The following PPP3CC variants were observed in gnomAD, a reference collection of about 807,000 sequenced individuals.
PPP3CC encodes the protein protein phosphatase 3 catalytic subunit gamma, also known as serine/threonine-protein phosphatase 2B catalytic subunit gamma isoform.
PPP3CC carries 35 observed loss-of-function variants against 60.3 expected under a neutral mutation model. The ratio of observed to expected loss-of-function variants is 0.58; its 90% confidence interval spans 0.44 to 0.77. PPP3CC has a LOEUF of 0.77. Ranked by LOEUF, PPP3CC falls within the 30% of genes least tolerant of loss-of-function variation. The pLI, the probability that PPP3CC is intolerant of heterozygous loss-of-function variation, is 0.00. For synonymous variants in PPP3CC, 206 were observed against 224.3 expected, an observed-to-expected ratio of 0.92 and a Z score of 0.73; for missense variants, 570 against 628.9, an observed-to-expected ratio of 0.91 and a Z score of 1.00.
At chr8:22,466,143 C>T (rs1212541627) in intron 1 of PPP3CC, among the ~76,000 whole-genome samples, 1 of 147,888 alleles carries the variant, frequency 6.8e-6, no homozygotes, top group African/African-American at 2.5e-5. Flanking sequence ...CAGCTTCATC[C>T]ATGTCCCTGC....
At chr8:22,507,737 T>C (rs1586845516) in intron 4 of PPP3CC, among the ~76,000 whole-genome samples, 1 of 152,184 alleles carries the variant, frequency 6.6e-6, no homozygotes, top group South Asian at 2.1e-4. Context: ...CTGAATCTAC[T>C]GTTTAGGGTG....
At chr8:22,454,721 C>T (rs1837141034) in intron 1 of PPP3CC, among the ~76,000 whole-genome samples, 1 of 152,070 alleles carries the variant, frequency 6.6e-6, no homozygotes, top group Admixed American at 6.6e-5. Context: ...GTCTTGTAGA[C>T]TGAAATATTG....
In PPP3CC at chr8:22,532,934, A is replaced by G; in HGVS notation, c.1237A>G (p.Ser413Gly). The G allele has an allele frequency of 6.3e-7, 1 of 1,594,582 alleles. No individual in the cohort carries two copies. The highest frequency in any genetic ancestry group is 1.7e-5 in the Admixed American group (1 of 57,478). The change falls in exon 12 of 14, where the codon AGT (serine) becomes GGT (glycine). Residue 413 changes from serine (S) to glycine (G), a missense_variant. Coordinates refer to ENST00000240139, the MANE Select transcript of PPP3CC (RefSeq NM_005605.5). ...CTCCCTTTGCAGGCAAGAAAGTGAG[A>G]GTGTGCTGACTCTCAAGGGCCTGAC... ...VFSILRQESE[S>G]VLTLKGLTPT...
intron 1 of PPP3CC, among the ~76,000 whole-genome samples, chr8:22,461,878 GAGGA>G (rs546516357): frequency 1.1e-4 from 16 of 152,188 alleles, no homozygotes; most frequent in Non-Finnish European, 2.4e-4. Context: ...ATAAGTCCCT[GAGGA>G]TTTACTGTTA....
intron 9 of PPP3CC, 28 bp downstream of exon 9, chr8:22,527,545 C>A: frequency 6.2e-7 from 1 of 1,610,114 alleles, no homozygotes; most frequent in South Asian, 1.1e-5. Context: ...CATGTCTCAT[C>A]AGTTGTTTGG....
At chr8:22,519,932 AG>A (rs35934709) in intron 6 of PPP3CC, among the ~76,000 whole-genome samples, 65,438 of 151,908 alleles carry the variant, frequency 0.43, 14,302 homozygotes, top group East Asian at 0.55. Flanking sequence ...CTGGGATTAC[AG>A]GCACGAGCCA....
At chr8:22,476,284 T>A (rs1193317067) in intron 3 of PPP3CC, among the ~76,000 whole-genome samples, 1 of 152,266 alleles carries the variant, frequency 6.6e-6, no homozygotes, top group Non-Finnish European at 1.5e-5. Context: ...TTAATGTTCA[T>A]TGATTCAACT....
chr8:22,454,198 A>G (rs1340254007), intron 1 of PPP3CC, among the ~76,000 whole-genome samples: 1 of 152,162 alleles, frequency 6.6e-6, no homozygotes, highest in Non-Finnish European at 1.5e-5. Context: ...ATAAGCTTTT[A>G]CGATTTCAAA....
At chr8:22,450,848 TTTA>T (rs869269139) in intron 1 of PPP3CC, among the ~76,000 whole-genome samples, 4 of 139,858 alleles carry the variant, frequency 2.9e-5, no homozygotes, top group African/African-American at 5.4e-5. Context: ...TATTTATTTA[TTTA>T]TTGAGACGGA....
At chr8:22,481,704 T>TA (rs1838075096) in intron 3 of PPP3CC, among the ~76,000 whole-genome samples, 1 of 151,908 alleles carries the variant, frequency 6.6e-6, no homozygotes, top group Non-Finnish European at 1.5e-5. Context: ...GCCCCCCACC[T>TA]ACCAATAGGC....
chr8:22,461,889 G>A (rs1471096086), intron 1 of PPP3CC, among the ~76,000 whole-genome samples: 1 of 152,142 alleles, frequency 6.6e-6, no homozygotes, highest in Non-Finnish European at 1.5e-5. Context: ...AGGATTTACT[G>A]TTAGATCAGT....
At chr8:22,457,962 A>G (rs944966449) in intron 1 of PPP3CC, among the ~76,000 whole-genome samples, 1 of 152,136 alleles carries the variant, frequency 6.6e-6, no homozygotes, top group Non-Finnish European at 1.5e-5. Context: ...GTGGTGGCAC[A>G]TGCCTGTAAT....
chr8:22,483,287 T>G (rs1412950801), intron 3 of PPP3CC, among the ~76,000 whole-genome samples: 1 of 152,132 alleles, frequency 6.6e-6, no homozygotes, highest in Admixed American at 6.6e-5. Flanking sequence ...TTTCAATTTT[T>G]ATTTATTTAT....
chr8:22,473,288 G>A (rs927873073), intron 1 of PPP3CC, among the ~76,000 whole-genome samples: 1 of 152,028 alleles, frequency 6.6e-6, no homozygotes, highest in African/African-American at 2.4e-5. Context: ...GATCCCAGGG[G>A]ATCTAAAGTA....
Position 22,540,739 on chromosome 8 carries a change from T to G in PPP3CC, c.1476T>G (p.Ser492=), listed in dbSNP as rs141690783. 30 of 1,613,986 alleles carry G rather than the reference T, an allele frequency of 1.9e-5. No individual in the cohort carries two copies. Among genetic ancestry groups the G allele is most frequent in the Middle Eastern group, 1.6e-4 (1 of 6,084 alleles). Residue 492 remains serine (S), a synonymous_variant, in exon 14 of 14, where the codon TCT becomes TCG. Transcript: ENST00000240139. ...DSIHAGGPMK[S]VTSAHSHAAH... ...TACACGCTGGTGGGCCAATGAAATC[T>G]GTAACCTCAGCACACTCACATGCTG...
intron 3 of PPP3CC, chr8:22,493,113 T>C: frequency 6.4e-7 from 1 of 1,555,206 alleles, no homozygotes; most frequent in South Asian, 1.1e-5. Flanking sequence ...TGAGGCAAAC[T>C]GAATTGAGTC....
chr8:22,505,346 A>G (rs1367586074), intron 4 of PPP3CC, among the ~76,000 whole-genome samples: 1 of 151,992 alleles, frequency 6.6e-6, no homozygotes, highest in Non-Finnish European at 1.5e-5. Flanking sequence ...CATTTTTTTA[A>G]ATGTATAGTT....
At chr8:22,527,600 GA>G in intron 9 of PPP3CC, 83 bp downstream of exon 9, 2 of 1,450,394 alleles carry the variant, frequency 1.4e-6, no homozygotes, top group Non-Finnish European at 1.9e-6. Context: ...CCATGATTCA[GA>G]AATGTTTTCT....
chr8:22,473,309 T>C (rs1586809321), intron 1 of PPP3CC, among the ~76,000 whole-genome samples: 1 of 152,292 alleles, frequency 6.6e-6, no homozygotes, highest in East Asian at 1.9e-4. Flanking sequence ...GACTGTGTTA[T>C]AAAGTAGGCA....
Sources: gnomAD v4.1 joint callset for allele counts (sites outside exome capture counted in the v4.1 genomes callset) on GRCh38, gnomAD v4.1.1 for gene constraint, MANE v1.5 for transcripts, NCBI Gene and HGNC (gene_info 2026-07-23, HGNC 2026-07-21) for gene names.